The following BCOR variants were observed in gnomAD, a reference collection of about 807,000 sequenced individuals.
BCOR encodes the protein BCL6 corepressor.
BCOR carries 10 observed loss-of-function variants against 86.7 expected under a neutral mutation model. That is an observed-to-expected ratio of 0.12 (90% CI 0.07 to 0.20). The LOEUF (loss-of-function observed/expected upper bound fraction) is 0.20. Among genes scored for constraint, BCOR ranks in the 10% least tolerant of loss-of-function variants. The pLI is 1.00. For synonymous variants in BCOR, 611 were observed against 609.0 expected, an observed-to-expected ratio of 1.00 and a Z score of -0.05; for missense variants, 1,259 against 1,452.1, an observed-to-expected ratio of 0.87 and a Z score of 2.16.
At chrX:40,072,200 A>T (rs1365680212) in intron 4 of BCOR, 149 bp downstream of exon 4, 3 of 572,931 alleles carry the variant, frequency 5.2e-6, no homozygotes, top group Non-Finnish European at 8.5e-6. Context: ...ACGTTCTCTT[A>T]CTGGCCACAT....
In BCOR at chrX:40,076,551, C is replaced by T. The variant is rs1160678179; in HGVS notation, c.87-19G>A. 4 of 1,128,166 alleles carry T rather than the reference C, an allele frequency of 3.5e-6. No homozygotes were observed. In the Admixed American group the frequency reaches 8.8e-5, roughly 25 times the overall value. The allele number at this position is 1,128,166 out of a possible 1,213,427, so 93.0% of individuals were successfully genotyped here. The stretch of plus-strand genomic sequence containing the variant: ...GATTTTCCTATTTAAAAAGATACAC[C>T]AACTTCATGAAAGCATTCCTCACTG... On this transcript the variant is annotated intron_variant, in intron 2 of 14. Coordinates refer to ENST00000378444, the MANE Select transcript of BCOR (RefSeq NM_001123385.2).
At chrX:40,100,767 GGT>G (rs1452650945), upstream of BCOR, among the ~76,000 whole-genome samples, 10 of 109,683 alleles carry the variant, frequency 9.1e-5, no homozygotes, top group East Asian at 2.6e-3. Flanking sequence ...GGGTGGTGGG[GGT>G]GCTGTAAATG....
intron 1 of BCOR, among the ~76,000 whole-genome samples, chrX:40,148,705 T>C (rs1938111370): frequency 9.0e-6 from 1 of 110,706 alleles, no homozygotes; most frequent in South Asian, 3.8e-4. Context: ...CCGAATATTA[T>C]CTCATGTGCC....
At chrX:40,126,240 CT>C (rs1208201961) in intron 1 of BCOR, among the ~76,000 whole-genome samples, 1 of 98,083 alleles carries the variant, frequency 1.0e-5, no homozygotes, top group Non-Finnish European at 2.0e-5. Context: ...AAAGAATCAT[CT>C]GGGGCTGGGT....
intron 1 of BCOR, among the ~76,000 whole-genome samples, chrX:40,081,105 A>C (rs968932281): frequency 2.7e-5 from 3 of 111,701 alleles, no homozygotes; most frequent in Non-Finnish European, 3.8e-5. Flanking sequence ...TTTCATTGCA[A>C]CAAGCTAAAG....
intron 1 of BCOR, among the ~76,000 whole-genome samples, chrX:40,169,607 T>TA (rs1242116053): frequency 1.9e-4 from 21 of 108,137 alleles, no homozygotes; most frequent in East Asian, 1.1e-3. Context: ...CCTTCTGGTT[T>TA]AAAAAAAAAC....
chrX:40,090,827 G>C (rs1284690131), intron 1 of BCOR, among the ~76,000 whole-genome samples: 1 of 111,630 alleles, frequency 9.0e-6, no homozygotes, highest in Non-Finnish European at 1.9e-5. Context: ...TCCCTAGCAC[G>C]ACTGCGAGCG....
intron 1 of BCOR, among the ~76,000 whole-genome samples, chrX:40,136,430 C>T (rs1228642848): frequency 8.9e-6 from 1 of 112,056 alleles, no homozygotes; most frequent in Admixed American, 9.5e-5. Context: ...TACTGCACAA[C>T]CTACCATCTA....
intron 2 of BCOR, chrX:40,077,354 T>G (rs916487784): frequency 7.3e-6 from 1 of 137,746 alleles, no homozygotes; most frequent in African/African-American, 3.2e-5. Flanking sequence ...CCAAAATTAC[T>G]GATTAGGAAG....
At chrX:40,123,595 C>T (rs1336353825) in intron 1 of BCOR, among the ~76,000 whole-genome samples, 1 of 110,858 alleles carries the variant, frequency 9.0e-6, no homozygotes, top group Admixed American at 9.6e-5. Flanking sequence ...CCTTGTGATC[C>T]GCCCGCCTCG....
At position 40,074,953 on chromosome X, in the gene BCOR, T is replaced by C; in HGVS notation, c.393A>G (p.Thr131=). The C allele has an allele frequency of 3.3e-6, 4 of 1,211,308 alleles. No individual in the cohort carries two copies. Among genetic ancestry groups the C allele is most frequent in the Non-Finnish European group, 4.5e-6 (4 of 895,299 alleles). The change falls in exon 4 of 15, where the codon ACA becomes ACG. Residue 131 remains threonine, a synonymous_variant. Coordinates refer to ENST00000378444, the MANE Select transcript of BCOR (RefSeq NM_001123385.2). ...EMQFKPNTPE[T]VEASAVSGKP... ...TTCCAGAGACGGCAGAAGCCTCCAC[T>C]GTCTCGGGTGTATTCGGTTTGAACT...
At chrX:40,145,484 A>G (rs924122610) in intron 1 of BCOR, among the ~76,000 whole-genome samples, 3 of 110,426 alleles carry the variant, frequency 2.7e-5, no homozygotes, top group African/African-American at 9.9e-5. Flanking sequence ...TAAAGATCCC[A>G]GGCCCACACT....
chrX:40,143,523 G>C (rs1475959015), intron 1 of BCOR, among the ~76,000 whole-genome samples: 2 of 112,486 alleles, frequency 1.8e-5, no homozygotes, highest in Non-Finnish European at 3.7e-5. Context: ...GCCTTTGTCT[G>C]GCTAGGGACA....
chrX:40,129,302 G>T (rs771239426), intron 1 of BCOR, among the ~76,000 whole-genome samples: 4 of 110,900 alleles, frequency 3.6e-5, no homozygotes, highest in Non-Finnish European at 7.6e-5. Context: ...TGGCCAAAAT[G>T]GTGAAACCCC....
Position 40,074,383 on chromosome X carries a change from G to A in BCOR, c.963C>T (p.Val321=). ...KQPRVPSAKA[V]TSGLPGDTAL... ...CTGTGTCCCCCGGCAGGCCACTGGT[G>A]ACCGCCTTGGCAGAGGGAACCCTGG... Residue 321 remains valine, a synonymous_variant, in exon 4 of 15, where the codon GTC becomes GTT. Transcript: ENST00000378444. 1 of 1,210,981 alleles carries A rather than the reference G, an allele frequency of 8.3e-7. No individual in the cohort carries two copies.
intron 1 of BCOR, among the ~76,000 whole-genome samples, chrX:40,169,165 G>GC (rs1239691867): frequency 6.2e-5 from 7 of 112,883 alleles, no homozygotes; most frequent in Non-Finnish European, 1.1e-4. Context: ...AAACAGATGA[G>GC]CTCGGGCTCG....
intron 2 of BCOR, 100 bp from the exon 3 acceptor site, chrX:40,076,632 T>C: frequency 1.6e-6 from 1 of 640,055 alleles, no homozygotes; most frequent in Non-Finnish European, 2.6e-6. Flanking sequence ...ACCCAATTTT[T>C]AAAACTGTCC....
chrX:40,122,938 C>T (rs1937507483), intron 1 of BCOR, among the ~76,000 whole-genome samples: 1 of 111,517 alleles, frequency 9.0e-6, no homozygotes, highest in African/African-American at 3.3e-5. Flanking sequence ...GCCTGCCTGA[C>T]GAGCGGGACT....
intron 1 of BCOR, among the ~76,000 whole-genome samples, chrX:40,129,761 C>T (rs986309062): frequency 4.5e-5 from 5 of 110,890 alleles, no homozygotes; most frequent in Admixed American, 2.9e-4. Context: ...GACTCCTTGC[C>T]GGGTGCGGTG....
Sources: allele counts gnomAD v4.1 joint callset (sites outside exome capture counted in the v4.1 genomes callset), GRCh38; gene constraint gnomAD v4.1.1; transcripts MANE v1.5; gene names NCBI Gene and HGNC (gene_info 2026-07-23, HGNC 2026-07-21).